The following SNTG2 variants were observed in gnomAD, a reference collection of about 807,000 sequenced individuals.
The protein encoded by SNTG2 is gamma-2-syntrophin.
In SNTG2, 74 loss-of-function variants were observed where a neutral mutation model predicts 70.9. The observed-to-expected ratio is 1.04, with a 90% CI of 0.86 to 1.27. The LOEUF (loss-of-function observed/expected upper bound fraction) is 1.27, where lower values mean the gene tolerates loss of function less well. Among genes scored for constraint, SNTG2 ranks in the 50% most tolerant of loss-of-function variants. SNTG2 has a pLI of 0.00. For missense variants in SNTG2, 717 were observed against 690.7 expected (o/e 1.04, Z -0.43); for synonymous variants, 278 against 273.8 (o/e 1.02, Z -0.15).
intron 1 of SNTG2, among the ~76,000 whole-genome samples, chr2:1,073,819 G>A (rs1034845708): frequency 6.6e-6 from 1 of 152,134 alleles, no homozygotes; most frequent in Non-Finnish European, 1.5e-5. Flanking sequence ...TGAAAACTTT[G>A]CATTCTTTTC....
intron 4 of SNTG2, among the ~76,000 whole-genome samples, chr2:1,112,238 C>T (rs1197985963): frequency 6.6e-6 from 1 of 151,060 alleles, no homozygotes; most frequent in African/African-American, 2.5e-5. Flanking sequence ...TGAGGTTTAA[C>T]CCTTGCAGTC....
intron 8 of SNTG2, among the ~76,000 whole-genome samples, chr2:1,190,704 C>T (rs1337632418): frequency 1.3e-5 from 2 of 150,880 alleles, no homozygotes; most frequent in Non-Finnish European, 3.0e-5. Context: ...GAAAAGGAAG[C>T]AAGAATAATA....
At chr2:1,308,183 A>G (rs1274864401) in intron 14 of SNTG2, among the ~76,000 whole-genome samples, 1 of 152,218 alleles carries the variant, frequency 6.6e-6, no homozygotes, top group African/African-American at 2.4e-5. Flanking sequence ...CTGTGTTTTC[A>G]AACACGCGTA....
chr2:1,258,834 C>T (rs898359936), intron 12 of SNTG2, among the ~76,000 whole-genome samples: 1 of 152,060 alleles, frequency 6.6e-6, no homozygotes, highest in African/African-American at 2.4e-5. Context: ...CAGCTCAGAC[C>T]AACGAAAAAT....
At chr2:1,245,081 T>C (rs1677333750) in intron 11 of SNTG2, among the ~76,000 whole-genome samples, 1 of 128,074 alleles carries the variant, frequency 7.8e-6, no homozygotes, top group African/African-American at 3.0e-5. Context: ...TGAGAACACA[T>C]GGACACAGGA....
intron 15 of SNTG2, among the ~76,000 whole-genome samples, chr2:1,310,015 A>G (rs911745841): frequency 2.0e-5 from 3 of 152,250 alleles, no homozygotes; most frequent in Non-Finnish European, 4.4e-5. Flanking sequence ...GTAATGAAGC[A>G]ACTATTCAAG....
chr2:1,116,283 A>G (rs1477668929), intron 4 of SNTG2, among the ~76,000 whole-genome samples: 2 of 152,236 alleles, frequency 1.3e-5, no homozygotes, highest in African/African-American at 4.8e-5. Flanking sequence ...CTTATTCACT[A>G]GAACACTTTA....
At chr2:1,253,797 G>C (rs1282792193) in intron 12 of SNTG2, among the ~76,000 whole-genome samples, 2 of 152,190 alleles carry the variant, frequency 1.3e-5, no homozygotes, top group Non-Finnish European at 2.9e-5. Context: ...GAAACTTACA[G>C]TGTGGCAGAA....
intron 1 of SNTG2, among the ~76,000 whole-genome samples, chr2:1,057,867 A>G (rs1330206896): frequency 1.3e-5 from 2 of 152,136 alleles, no homozygotes; most frequent in Non-Finnish European, 2.9e-5. Context: ...GTGAGACCCC[A>G]TCTCTACAAA....
chr2:1,361,534 C>A (rs903066298), intron 16 of SNTG2, among the ~76,000 whole-genome samples: 4 of 152,220 alleles, frequency 2.6e-5, no homozygotes, highest in Non-Finnish European at 5.9e-5. Context: ...TTTTTAATAT[C>A]AAACACATTT....
At chr2:1,362,895 C>T (rs1391105612) in intron 16 of SNTG2, among the ~76,000 whole-genome samples, 1 of 152,160 alleles carries the variant, frequency 6.6e-6, no homozygotes, top group Non-Finnish European at 1.5e-5. Context: ...GTCACCAACG[C>T]TGAGCATTTC....
At chr2:1,158,303 AATT>A (rs1354050671) in intron 6 of SNTG2, 1 of 151,166 alleles carries the variant, frequency 6.6e-6, no homozygotes, top group Non-Finnish European at 1.5e-5. Context: ...AAAAGTAGAA[AATT>A]ATTATTTTTT....
chr2:1,267,337 C>T (rs1043988432), intron 13 of SNTG2, 28 bp from the exon 14 acceptor site: 8 of 1,564,802 alleles, frequency 5.1e-6, no homozygotes, highest in Middle Eastern at 1.7e-4. Context: ...CAGCGCTGCA[C>T]GTTTCCAATC....
chr2:1,249,873 G>T lies in SNTG2; in HGVS notation c.1005+2430G>T, dbSNP rs568216073. Among the ~76,000 whole-genome samples the T allele has an allele frequency of 1.2e-3, 177 of 152,216 alleles. 1 individual carries two copies. The highest frequency in any genetic ancestry group is 2.1e-3 in the Non-Finnish European group (143 of 68,010). Reference sequence around the variant, plus strand: ...AGTCTTCCCTCAGGGCCCTGAGGTCGCTGCCACTCACACTGGCCGGGCAGT... The same window carrying T: ...AGTCTTCCCTCAGGGCCCTGAGGTCTCTGCCACTCACACTGGCCGGGCAGT... On this transcript the variant is annotated intron_variant, in intron 12 of 16. Transcript: ENST00000308624.
chr2:1,142,714 C>A (rs1668838810), intron 6 of SNTG2, among the ~76,000 whole-genome samples: 1 of 152,176 alleles, frequency 6.6e-6, no homozygotes, highest in Non-Finnish European at 1.5e-5. Flanking sequence ...TAAACAAATT[C>A]AATCCAGAAT....
In SNTG2 at chr2:1,316,333, G is replaced by T. The variant is rs901617591; in HGVS notation, c.1446G>T (p.Lys482Asn). The change falls in exon 16 of 17, where the codon AAG becomes AAT. Residue 482 changes from lysine (K) to asparagine (N), a missense_variant. Physicochemically the swap from Lys to Asn is moderately conservative, Grantham distance 94 (BLOSUM62 0). Transcript: ENST00000308624. The part of the protein sequence containing the change: ...GSSDDGKTRV[K>N]LLFQNLDTKQ... The stretch of plus-strand genomic sequence containing the variant: ...CAGATGATGGGAAAACTCGAGTAAA[G>T]CTGCTGTTTCAGAATCTGGACACCA... 10 of 1,550,490 alleles carry T rather than the reference G, an allele frequency of 6.4e-6. No homozygotes were observed. The highest frequency in any genetic ancestry group is 1.4e-5 in the African/African-American group (1 of 73,010).
chr2:1,116,198 GGCTT>G (rs376944418), intron 4 of SNTG2, among the ~76,000 whole-genome samples: 1 of 148,876 alleles, frequency 6.7e-6, no homozygotes, highest in Non-Finnish European at 1.5e-5. Flanking sequence ...CGGGTTTTAG[GGCTT>G]TCTTTCTGAG....
At chr2:1,116,449 G>A (rs1219266062) in intron 4 of SNTG2, among the ~76,000 whole-genome samples, 3 of 151,984 alleles carry the variant, frequency 2.0e-5, no homozygotes, top group African/African-American at 7.3e-5. Flanking sequence ...GGGGTGCTCT[G>A]GTGTGTGGGT....
chr2:1,243,453 C>G (rs1242282428), intron 11 of SNTG2, among the ~76,000 whole-genome samples: 1 of 152,124 alleles, frequency 6.6e-6, no homozygotes. Context: ...CACCCTTGAT[C>G]AAGTTCTCCT....
Sources: gnomAD v4.1 joint callset for allele counts (sites outside exome capture counted in the v4.1 genomes callset) on GRCh38, gnomAD v4.1.1 for gene constraint, MANE v1.5 for transcripts, NCBI Gene and HGNC (gene_info 2026-07-23, HGNC 2026-07-21) for gene names.